Variants in DMRT1 observed in about 807,000 individuals in gnomAD.
DMRT1 encodes doublesex- and mab-3-related transcription factor 1.
Under a neutral mutation model 32.3 loss-of-function variants are expected in DMRT1, and 7 were observed. The observed-to-expected ratio is 0.22, with a 90% CI of 0.12 to 0.41. The LOEUF (loss-of-function observed/expected upper bound fraction) is 0.41. Among genes scored for constraint, DMRT1 ranks in the 10% least tolerant of loss-of-function variants. The pLI is 1.00. For synonymous variants in DMRT1, 278 were observed against 206.1 expected (o/e 1.35, Z -2.99); for missense variants, 625 against 500.5 (o/e 1.25, Z -2.37).
At chr9:861,810 G>GAGGCCAAGGCA (rs1349989641) in intron 2 of DMRT1, among the ~76,000 whole-genome samples, 3 of 149,202 alleles carry the variant, frequency 2.0e-5, no homozygotes, top group Non-Finnish European at 3.0e-5. Context: ...CCGGGCGGGG[G>GAGGCCAAGGCA]GGGGCTCCTT....
At chr9:879,432 C>T (rs1816642581) in intron 2 of DMRT1, among the ~76,000 whole-genome samples, 1 of 151,962 alleles carries the variant, frequency 6.6e-6, no homozygotes, top group African/African-American at 2.4e-5. Flanking sequence ...TTGCAAATCT[C>T]TTTTACGTTT....
Position 871,642 on chromosome 9 carries a change from CT to C in DMRT1, c.539-22265del, listed in dbSNP as rs1816266833. On this transcript the variant is annotated intron_variant, in intron 2 of 4. Transcript: ENST00000382276. ...AGACGCGAGCCACCGCGCCGGCTAACTTTTTGTATTTTTAGTAGAGACGGGG... is the reference window on the plus strand; with the variant it reads ...AGACGCGAGCCACCGCGCCGGCTAACTTTTGTATTTTTAGTAGAGACGGGG... Among the ~76,000 whole-genome samples the C allele has an allele frequency of 2.5e-5, 3 of 120,708 alleles. 1 individual carries two copies. The highest frequency in any genetic ancestry group is 1.0e-4 in the African/African-American group (3 of 28,690). 79.2% of individuals were successfully genotyped at this position (120,708 alleles called of 152,430 possible).
At chr9:957,298 T>C (rs903840753) in intron 4 of DMRT1, among the ~76,000 whole-genome samples, 1 of 152,234 alleles carries the variant, frequency 6.6e-6, no homozygotes, top group Non-Finnish European at 1.5e-5. Flanking sequence ...TTATATTGCC[T>C]ACAGACTAAA....
intron 4 of DMRT1, among the ~76,000 whole-genome samples, chr9:918,428 A>G (rs1818250995): frequency 6.6e-6 from 1 of 151,976 alleles, no homozygotes; most frequent in Non-Finnish European, 1.5e-5. Flanking sequence ...GAGGCAATTT[A>G]TTAGAGCAGA....
At chr9:895,614 A>G (rs1035349698) in intron 3 of DMRT1, among the ~76,000 whole-genome samples, 4 of 152,220 alleles carry the variant, frequency 2.6e-5, no homozygotes, top group African/African-American at 9.6e-5. Flanking sequence ...ACCTTGCACA[A>G]TGATTGCCAC....
chr9:916,673 G>T (rs536464493), intron 3 of DMRT1, 90 bp from the exon 4 acceptor site: 3 of 1,515,060 alleles, frequency 2.0e-6, no homozygotes, highest in South Asian at 2.3e-5. Flanking sequence ...TGCCCAGCCT[G>T]TTACCTTGTT....
intron 2 of DMRT1, among the ~76,000 whole-genome samples, chr9:876,122 G>A (rs1816489912): frequency 6.6e-6 from 1 of 152,194 alleles, no homozygotes; most frequent in African/African-American, 2.4e-5. Context: ...TGAGAGCTGG[G>A]TGACAGGTCT....
At chr9:847,257 A>T in intron 2 of DMRT1, 114 bp downstream of exon 2, 2 of 1,162,170 alleles carry the variant, frequency 1.7e-6, no homozygotes, top group Non-Finnish European at 2.4e-6. Context: ...AGCTTAGAGG[A>T]TTCTGTAGAG....
chr9:939,665 T>A (rs2129902164), intron 4 of DMRT1, among the ~76,000 whole-genome samples: 1 of 152,370 alleles, frequency 6.6e-6, no homozygotes, highest in East Asian at 1.9e-4. Flanking sequence ...CATACAAAGT[T>A]ATTTTTATCA....
chr9:947,772 A>T (rs1321679973), intron 4 of DMRT1, among the ~76,000 whole-genome samples: 3 of 152,130 alleles, frequency 2.0e-5, no homozygotes, highest in Non-Finnish European at 4.4e-5. Flanking sequence ...GACTTGCCCA[A>T]GGGGACGGTA....
chr9:855,524 C>T (rs1815360303), intron 2 of DMRT1, among the ~76,000 whole-genome samples: 1 of 152,214 alleles, frequency 6.6e-6, no homozygotes, highest in Non-Finnish European at 1.5e-5. Flanking sequence ...TTTTAAAATA[C>T]TAGGTAAGTG....
chr9:954,328 C>G (rs367595925), intron 4 of DMRT1, among the ~76,000 whole-genome samples: 14 of 151,940 alleles, frequency 9.2e-5, no homozygotes, highest in Admixed American at 7.2e-4. Flanking sequence ...GGATAGGGCA[C>G]CAGATGCTAG....
intron 4 of DMRT1, among the ~76,000 whole-genome samples, chr9:940,450 A>G (rs969901787): frequency 1.1e-4 from 17 of 152,328 alleles, no homozygotes; most frequent in African/African-American, 3.8e-4. Flanking sequence ...AGAACATTCA[A>G]TAGAGAACAT....
chr9:875,828 T>C (rs957362211), intron 2 of DMRT1, among the ~76,000 whole-genome samples: 3 of 152,170 alleles, frequency 2.0e-5, no homozygotes, highest in African/African-American at 4.8e-5. Context: ...TACACACACA[T>C]ATATATTTAC....
chr9:891,972 CT>C (rs1817169189), intron 2 of DMRT1, among the ~76,000 whole-genome samples: 1 of 152,176 alleles, frequency 6.6e-6, no homozygotes, highest in East Asian at 1.9e-4. Context: ...GGCTGGGTGC[CT>C]TCTTGCTGGA....
chr9:906,561 A>G (rs1817784573), intron 3 of DMRT1, among the ~76,000 whole-genome samples: 1 of 152,228 alleles, frequency 6.6e-6, no homozygotes, highest in Non-Finnish European at 1.5e-5. Flanking sequence ...CTAAAACAGT[A>G]GGTTGGAACA....
At chr9:916,997 G>A (rs1198271261) in intron 4 of DMRT1, 90 bp downstream of exon 4, 2 of 1,410,632 alleles carry the variant, frequency 1.4e-6, no homozygotes, top group African/African-American at 2.8e-5. Flanking sequence ...TGGCTTAGCT[G>A]TTAGTAATTG....
chr9:902,886 G>A (rs1414649064), intron 3 of DMRT1, among the ~76,000 whole-genome samples: 2 of 152,044 alleles, frequency 1.3e-5, no homozygotes, highest in Admixed American at 1.3e-4. Flanking sequence ...TCTGCTGTCA[G>A]GTACATGGTG....
chr9:903,330 C>A (rs1225314160), intron 3 of DMRT1, among the ~76,000 whole-genome samples: 1 of 150,674 alleles, frequency 6.6e-6, no homozygotes, highest in East Asian at 1.9e-4. Flanking sequence ...CTTTCTGTTT[C>A]TAGGTGATCA....
Sources: allele counts gnomAD v4.1 joint callset (sites outside exome capture counted in the v4.1 genomes callset), GRCh38; gene constraint gnomAD v4.1.1; transcripts MANE v1.5; gene names NCBI Gene and HGNC (gene_info 2026-07-23, HGNC 2026-07-21).